Variants in RASSF6 observed in about 807,000 individuals in gnomAD.
RASSF6 encodes the protein Ras association domain family member 6.
In RASSF6, 52 loss-of-function variants were observed where a neutral mutation model predicts 44.0. The ratio of observed to expected loss-of-function variants is 1.18; its 90% CI spans 0.95 to 1.49. The LOEUF is 1.49. Among genes scored for constraint, RASSF6 ranks in the 40% most tolerant of loss-of-function variants. RASSF6 has a pLI of 0.00. For synonymous variants in RASSF6, 162 were observed against 124.6 expected (o/e 1.30, Z -2.00); for missense variants, 464 against 393.3 (o/e 1.18, Z -1.52).
At chr4:73,589,617 A>C (rs1724368264) in intron 4 of RASSF6, among the ~76,000 whole-genome samples, 2 of 152,066 alleles carry the variant, frequency 1.3e-5, no homozygotes, top group Admixed American at 1.3e-4. Context: ...AGCAGAAAAC[A>C]CCAGTTTTCA....
At chr4:73,611,531 A>G (rs992717114) in intron 2 of RASSF6, among the ~76,000 whole-genome samples, 200 bp downstream of exon 2, 2 of 152,122 alleles carry the variant, frequency 1.3e-5, no homozygotes, top group African/African-American at 2.4e-5. Context: ...CCACTGTTAA[A>G]CAAAATATTA....
At chr4:73,592,498 A>C (rs1221597499) in intron 4 of RASSF6, among the ~76,000 whole-genome samples, 1 of 152,198 alleles carries the variant, frequency 6.6e-6, no homozygotes, top group Non-Finnish European at 1.5e-5. Flanking sequence ...GGATGAAAGG[A>C]ACTTTTATAC....
At chr4:73,600,318 G>A (rs547490083) in intron 2 of RASSF6, among the ~76,000 whole-genome samples, 25 of 151,902 alleles carry the variant, frequency 1.6e-4, no homozygotes, top group African/African-American at 5.8e-4. Flanking sequence ...TAAAATTATC[G>A]GGAAATATTC....
At chr4:73,618,301 T>TTTATCTATCTATCTATCTATC (rs1252544878) in intron 1 of RASSF6, among the ~76,000 whole-genome samples, 3 of 150,330 alleles carry the variant, frequency 2.0e-5, no homozygotes, top group South Asian at 2.1e-4. Flanking sequence ...TATAAAGTTG[T>TTTATCTATCTATCTATCTATC]TATCTATCTA....
At chr4:73,600,064 T>C (rs1469524351) in intron 2 of RASSF6, among the ~76,000 whole-genome samples, 1 of 152,222 alleles carries the variant, frequency 6.6e-6, no homozygotes, top group African/African-American at 2.4e-5. Flanking sequence ...AAAAGTCATC[T>C]TCTCAAGAAG....
At chr4:73,586,160 G>A (rs968384372) in intron 5 of RASSF6, among the ~76,000 whole-genome samples, 2 of 151,406 alleles carry the variant, frequency 1.3e-5, no homozygotes, top group African/African-American at 4.9e-5. Flanking sequence ...GGAATAGTAT[G>A]CTTTGGACTA....
intron 8 of RASSF6, among the ~76,000 whole-genome samples, chr4:73,577,694 G>A (rs1011959577): frequency 6.6e-6 from 1 of 152,158 alleles, no homozygotes; most frequent in Admixed American, 6.5e-5. Flanking sequence ...TGACAACTTA[G>A]CTCCTCTCAT....
chr4:73,620,165 A>C, intron 1 of RASSF6, 123 bp downstream of exon 1: 1 of 521,650 alleles, frequency 1.9e-6, no homozygotes, highest in Non-Finnish European at 3.2e-6. Flanking sequence ...TGTGCGATTC[A>C]GGCTGCTATG....
chr4:73,585,042 C>T (rs1723966117), intron 6 of RASSF6, 138 bp downstream of exon 6: 1 of 551,116 alleles, frequency 1.8e-6, no homozygotes, highest in Non-Finnish European at 3.2e-6. Flanking sequence ...ATATCTAGCA[C>T]ATAGAGAGTG....
chr4:73,605,401 A>C (rs561401609), intron 2 of RASSF6, among the ~76,000 whole-genome samples: 2 of 152,300 alleles, frequency 1.3e-5, no homozygotes, highest in South Asian at 4.2e-4. Context: ...AGAATTCTCC[A>C]AACCCATTTT....
At chr4:73,580,941 C>T (rs7434831) in intron 8 of RASSF6, among the ~76,000 whole-genome samples, 93,911 of 146,462 alleles carry the variant, frequency 0.64, 31,022 homozygotes, top group East Asian at 0.87. Flanking sequence ...GACATGAAGT[C>T]CTTGCCCATG....
intron 2 of RASSF6, among the ~76,000 whole-genome samples, chr4:73,607,286 C>A (rs950329858): frequency 6.6e-6 from 1 of 152,194 alleles, no homozygotes; most frequent in Non-Finnish European, 1.5e-5. Flanking sequence ...CTCTCTCCTG[C>A]CTTCCTCTTC....
intron 8 of RASSF6, among the ~76,000 whole-genome samples, chr4:73,577,473 T>A (rs1157997232): frequency 6.6e-6 from 1 of 152,212 alleles, no homozygotes; most frequent in Admixed American, 6.5e-5. Context: ...ATTTCCTCAT[T>A]CTCTCCTTCA....
intron 1 of RASSF6, among the ~76,000 whole-genome samples, chr4:73,612,351 G>T (rs1560462165): frequency 1.3e-5 from 2 of 152,102 alleles, no homozygotes; most frequent in Non-Finnish European, 2.9e-5. Flanking sequence ...GACCAGAGAT[G>T]TAAAGTATAA....
chr4:73,603,935 C>T (rs1725449769), intron 2 of RASSF6: 1 of 152,090 alleles, frequency 6.6e-6, no homozygotes, highest in Non-Finnish European at 1.5e-5. Flanking sequence ...GAACCCTGTC[C>T]TAGTCTTTAC....
At chr4:73,615,775 T>C in intron 1 of RASSF6, 1 of 801,544 alleles carries the variant, frequency 1.2e-6, no homozygotes, top group Non-Finnish European at 2.1e-6. Context: ...CAATGAGATC[T>C]GGATGGAGCC....
intron 2 of RASSF6, among the ~76,000 whole-genome samples, chr4:73,602,299 C>T (rs950487682): frequency 4.6e-5 from 7 of 152,232 alleles, no homozygotes; most frequent in South Asian, 4.1e-4. Flanking sequence ...GATTTCAGTA[C>T]GAGACAAGAT....
At position 73,611,493 on chromosome 4, in the gene RASSF6, C is replaced by A. The variant is rs180857032; in HGVS notation, c.65+238G>T. The stretch of plus-strand genomic sequence containing the variant: ...TTCAATATTATCCCAACTATTAAAA[C>A]AGAAATGTTGCTTTTAATAAAGTAA... On this transcript the variant is annotated intron_variant, in intron 2 of 10. Coordinates refer to ENST00000307439, the MANE Select transcript of RASSF6 (RefSeq NM_177532.5). Among the ~76,000 whole-genome samples, 64 of 152,182 alleles carry A rather than the reference C, an allele frequency of 4.2e-4. 2 individuals carry two copies. The highest frequency in any genetic ancestry group is 1.5e-3 in the African/African-American group (61 of 41,536).
rs540453702 is a variant in RASSF6, at chr4:73,611,750, C to A, written c.46G>T (p.Glu16Ter). ...GGTTACCTGGTTATGAATGTCTTCT[C>A]ATTAATGAAGATCCAAGAGGGGTAC... ...HQYPSWIFIN[E>*]KTFITREQLN... is the part of the protein sequence containing the mutation. The change falls in exon 2 of 11, where the codon GAG (glutamate) becomes TAG (stop). Residue 16 changes from glutamate (E) to a stop codon, truncating the protein, a stop_gained. Transcript: ENST00000307439. LOFTEE classifies it high-confidence loss of function. 7.5e-6 allele frequency: 12 copies of A among 1,608,008 alleles called. No individual in the cohort carries two copies. The highest frequency in any genetic ancestry group is 1.1e-5 in the South Asian group (1 of 90,866).
Sources: gnomAD v4.1 joint callset for allele counts (sites outside exome capture counted in the v4.1 genomes callset) on GRCh38, gnomAD v4.1.1 for gene constraint, MANE v1.5 for transcripts, NCBI Gene and HGNC (gene_info 2026-07-23, HGNC 2026-07-21) for gene names.